MAML2: variants seen among roughly 807,000 people sequenced by gnomAD.
MAML2 encodes the protein mastermind-like protein 2.
MAML2 carries 22 observed loss-of-function variants against 96.1 expected under a neutral mutation model. The ratio of observed to expected loss-of-function variants is 0.23; its 90% CI spans 0.16 to 0.33. MAML2 has a LOEUF of 0.33. Ranked by LOEUF, MAML2 falls within the 10% of genes least tolerant of loss-of-function variation. MAML2 has a pLI of 1.00. For synonymous variants in MAML2, 561 were observed against 521.3 expected (o/e 1.08, Z -1.04); for missense variants, 1,367 against 1,392.4 (o/e 0.98, Z 0.29).
chr11:96,205,796 T>A (rs1020643357), intron 1 of MAML2, among the ~76,000 whole-genome samples: 17 of 152,254 alleles, frequency 1.1e-4, no homozygotes, highest in African/African-American at 4.1e-4. Flanking sequence ...GTCAAAGATG[T>A]GTCTTCCTTC....
chr11:96,171,404 T>C (rs958120840), intron 1 of MAML2, among the ~76,000 whole-genome samples: 1 of 152,156 alleles, frequency 6.6e-6, no homozygotes, highest in East Asian at 1.9e-4. Flanking sequence ...TTCAAGATAT[T>C]ATATTTAATT....
chr11:96,155,509 AATATATAT>A (rs56860340), intron 1 of MAML2, among the ~76,000 whole-genome samples: 1,421 of 74,792 alleles, frequency 0.019, 83 homozygotes, highest in African/African-American at 0.057. Context: ...TAACAATTCA[AATATATAT>A]ATATATATAT....
Position 96,099,609 on chromosome 11 carries a change from A to G in MAML2, c.514-6092T>C, listed in dbSNP as rs571722196. On this transcript the variant is annotated intron_variant, in intron 1 of 4. Transcript: ENST00000524717. ...TGCTGGGCATATTCTAGGTGTTTTA[A>G]TAATTATTCGTTGACCTCAGTGCCT... 1.0e-3 allele frequency among the ~76,000 whole-genome samples: 159 copies of G among 152,252 alleles called. 1 individual carries two copies. Among genetic ancestry groups the G allele is most frequent in the African/African-American group, 3.6e-3 (148 of 41,512 alleles).
intron 1 of MAML2, among the ~76,000 whole-genome samples, chr11:96,252,523 T>C (rs1862597914): frequency 1.3e-5 from 2 of 150,006 alleles, no homozygotes; most frequent in Admixed American, 1.4e-4. Flanking sequence ...CCTCCCGGGT[T>C]CAAACAATTC....
At chr11:96,099,282 G>A (rs1051430489) in intron 1 of MAML2, among the ~76,000 whole-genome samples, 7 of 152,138 alleles carry the variant, frequency 4.6e-5, no homozygotes, top group African/African-American at 1.7e-4. Flanking sequence ...TTTGATTCTT[G>A]AAGTAAAAAT....
chr11:96,044,483 T>C (rs1420122466), intron 2 of MAML2, among the ~76,000 whole-genome samples: 1 of 152,158 alleles, frequency 6.6e-6, no homozygotes, highest in African/African-American at 2.4e-5. Context: ...GAGTATATAT[T>C]ATGTCCCAGG....
At chr11:96,048,574 T>C (rs1465146238) in intron 2 of MAML2, among the ~76,000 whole-genome samples, 2 of 152,322 alleles carry the variant, frequency 1.3e-5, no homozygotes, top group East Asian at 3.8e-4. Context: ...TAAGAGGAGT[T>C]CAAGGAAATA....
At chr11:96,042,893 TAC>T (rs1160316974) in intron 2 of MAML2, among the ~76,000 whole-genome samples, 3 of 152,020 alleles carry the variant, frequency 2.0e-5, no homozygotes, top group Admixed American at 2.0e-4. Context: ...TACAGGCATG[TAC>T]CACCACACCC....
chr11:96,233,122 A>AAGG (rs1555027567), intron 1 of MAML2, among the ~76,000 whole-genome samples: 72,416 of 151,814 alleles, frequency 0.48, 17,748 homozygotes, highest in Middle Eastern at 0.63. Flanking sequence ...GCAAACAAAG[A>AAGG]AAAAACAATA....
intron 1 of MAML2, among the ~76,000 whole-genome samples, chr11:96,224,122 A>G (rs1168715154): frequency 6.6e-6 from 1 of 152,202 alleles, no homozygotes; most frequent in Non-Finnish European, 1.5e-5. Context: ...TTTCTTTATC[A>G]GTAAAATGGC....
intron 1 of MAML2, among the ~76,000 whole-genome samples, chr11:96,231,224 G>T (rs893060795): frequency 6.6e-6 from 1 of 152,080 alleles, no homozygotes; most frequent in Admixed American, 6.5e-5. Context: ...ACCATCTGTA[G>T]CCCTCACAAC....
At chr11:96,259,650 G>A (rs533591853) in intron 1 of MAML2, among the ~76,000 whole-genome samples, 1 of 152,316 alleles carries the variant, frequency 6.6e-6, no homozygotes, top group African/African-American at 2.4e-5. Flanking sequence ...GGCTAAATAT[G>A]ACTCATAGGA....
intron 2 of MAML2, among the ~76,000 whole-genome samples, chr11:95,992,165 T>C (rs550060615): frequency 6.6e-6 from 1 of 152,342 alleles, no homozygotes; most frequent in South Asian, 2.1e-4. Context: ...GTTGAAACTA[T>C]TTTGGACAGA....
At chr11:96,008,071 C>T (rs1010370828) in intron 2 of MAML2, among the ~76,000 whole-genome samples, 5 of 151,320 alleles carry the variant, frequency 3.3e-5, no homozygotes, top group Admixed American at 6.6e-5. Context: ...ATCAATATTA[C>T]ATATCATATA....
At chr11:96,014,151 C>T (rs1007566286) in intron 2 of MAML2, among the ~76,000 whole-genome samples, 3 of 152,222 alleles carry the variant, frequency 2.0e-5, no homozygotes, top group Non-Finnish European at 2.9e-5. Flanking sequence ...TCACACCCTG[C>T]GAGGGGGACA....
At chr11:96,154,784 G>A (rs367804115) in intron 1 of MAML2, among the ~76,000 whole-genome samples, 1 of 152,184 alleles carries the variant, frequency 6.6e-6, no homozygotes, top group African/African-American at 2.4e-5. Flanking sequence ...AGATAGTAAC[G>A]TGCAGAGAGT....
At chr11:96,199,434 T>C (rs148447292) in intron 1 of MAML2, among the ~76,000 whole-genome samples, 1 of 152,236 alleles carries the variant, frequency 6.6e-6, no homozygotes, top group Non-Finnish European at 1.5e-5. Flanking sequence ...GAAAAAAAAT[T>C]TATGTATTTT....
intron 2 of MAML2, among the ~76,000 whole-genome samples, chr11:96,070,181 T>A (rs1859321249): frequency 1.3e-5 from 2 of 151,806 alleles, no homozygotes; most frequent in Non-Finnish European, 2.9e-5. Flanking sequence ...TCCCAGCTAC[T>A]CGGGAGGCTG....
At chr11:96,091,437 A>G (rs1358790240) in intron 2 of MAML2, among the ~76,000 whole-genome samples, 1 of 152,106 alleles carries the variant, frequency 6.6e-6, no homozygotes, top group Non-Finnish European at 1.5e-5. Flanking sequence ...TAAATATTCC[A>G]GTTGGTTGGT....
Sources: gnomAD v4.1 joint callset for allele counts (sites outside exome capture counted in the v4.1 genomes callset) on GRCh38, gnomAD v4.1.1 for gene constraint, MANE v1.5 for transcripts, NCBI Gene and HGNC (gene_info 2026-07-23, HGNC 2026-07-21) for gene names.